SARDH: variants seen among roughly 807,000 people sequenced by gnomAD.
The protein encoded by SARDH is sarcosine dehydrogenase, also known as sarcosine dehydrogenase, mitochondrial.
A neutral mutation model predicts 109.1 loss-of-function variants in SARDH; 95 were observed. That is an observed-to-expected ratio of 0.87 (90% CI 0.74 to 1.03). SARDH has a LOEUF of 1.03. SARDH is among the 50% of genes least tolerant of loss of function. The pLI is 0.00. For missense variants in SARDH, 1,267 were observed against 1,287.8 expected (o/e 0.98, Z 0.25); for synonymous variants, 572 against 534.8 (o/e 1.07, Z -0.96).
At chr9:133,721,589 C>T (rs866738701) in intron 6 of SARDH, among the ~76,000 whole-genome samples, 8 of 152,112 alleles carry the variant, frequency 5.3e-5, no homozygotes, top group Non-Finnish European at 7.4e-5. Context: ...CAAAAGGGAG[C>T]GGAAGATCTG....
intron 18 of SARDH, among the ~76,000 whole-genome samples, chr9:133,671,285 T>A (rs1830337523): frequency 6.6e-6 from 1 of 151,964 alleles, no homozygotes; most frequent in Admixed American, 6.6e-5. Flanking sequence ...TGAGTTCAGG[T>A]GTGTGTAGGT....
At chr9:133,687,543 A>G (rs1830929044) in intron 16 of SARDH, among the ~76,000 whole-genome samples, 1 of 152,144 alleles carries the variant, frequency 6.6e-6, no homozygotes, top group Non-Finnish European at 1.5e-5. Context: ...GGCCTCCCAA[A>G]GTGCTAGGGT....
At chr9:133,668,154 G>A (rs1180758576) in intron 19 of SARDH, among the ~76,000 whole-genome samples, 1 of 151,812 alleles carries the variant, frequency 6.6e-6, no homozygotes, top group East Asian at 1.9e-4. Context: ...TGTCTGCAAG[G>A]GGCCCCCTCT....
chr9:133,672,859 C>T (rs901697080), intron 17 of SARDH, among the ~76,000 whole-genome samples: 9 of 152,208 alleles, frequency 5.9e-5, no homozygotes, highest in Non-Finnish European at 1.0e-4. Context: ...CGTTGGGCAG[C>T]GGACATGGTG....
At chr9:133,729,028 A>C (rs1832583305) in intron 6 of SARDH, among the ~76,000 whole-genome samples, 1 of 138,812 alleles carries the variant, frequency 7.2e-6, no homozygotes, top group African/African-American at 2.7e-5. Flanking sequence ...GAAAGAGTGG[A>C]GGGAGGAATG....
intron 13 of SARDH, among the ~76,000 whole-genome samples, chr9:133,701,401 T>C (rs1350492071): frequency 6.6e-6 from 1 of 152,238 alleles, no homozygotes; most frequent in Non-Finnish European, 1.5e-5. Context: ...GTTTCTGCTG[T>C]ACCTTTGCTG....
At position 133,694,170 on chromosome 9, in the gene SARDH, C is replaced by T. The variant is rs1052050394; in HGVS notation, c.1921+88G>A. The T allele has an allele frequency of 2.0e-5, 19 of 959,424 alleles. No homozygotes were observed. The African/African-American group carries it at 2.5e-4, about 13-fold the overall frequency. The allele number at this position is 959,424 out of a possible 1,614,324, so 59.4% of individuals were successfully genotyped here. On this transcript the variant is annotated intron_variant, in intron 15 of 20. Transcript: ENST00000439388. ...TAATGACAGAGCTGCCGTCAGCAGC[C>T]CATCCCGTCCATCCTGCCCTGTCCA...
At chr9:133,678,456 A>C (rs116963840) in intron 17 of SARDH, among the ~76,000 whole-genome samples, 1,585 of 152,306 alleles carry the variant, frequency 0.01, 10 homozygotes, top group Non-Finnish European at 0.018. Context: ...TGGACAGTAG[A>C]GGCCCTCTCC....
intron 19 of SARDH, among the ~76,000 whole-genome samples, chr9:133,669,487 T>TG: frequency 6.6e-6 from 1 of 151,446 alleles, no homozygotes; most frequent in East Asian, 2.0e-4. Context: ...CAGACCCCCG[T>TG]GGGCACCACG....
chr9:133,703,209 A>C, intron 12 of SARDH, 180 bp from the exon 13 acceptor site: 1 of 606,014 alleles, frequency 1.7e-6, no homozygotes, highest in Non-Finnish European at 3.0e-6. Context: ...GTCCAGGCAA[A>C]ACAGAGGCAC....
rs756383301 is a variant in SARDH at position 133,732,548 on chromosome 9, T to C, written c.385A>G (p.Thr129Ala). 2.5e-6 allele frequency: 4 copies of C among 1,613,306 alleles called. No individual in the cohort carries two copies. In the African/African-American group the frequency reaches 5.3e-5, roughly 22 times the overall value. Reference protein sequence around the residue: ...SDVEVELLAHTRRVVSRELEE... With the variant: ...SDVEVELLAHARRVVSRELEE... ...AGCTCCCGGCTCACCACCCGCCGAG[T>C]GTGGGCCAGAAGCTCCACCTCCACG... The change falls in exon 3 of 21, where the codon ACT becomes GCT. Residue 129 changes from threonine to alanine, a missense_variant. By Grantham distance (58) the Thr-to-Ala change is moderately conservative. Coordinates refer to ENST00000439388, the MANE Select transcript of SARDH (RefSeq NM_001134707.2).
At chr9:133,717,208 C>T (rs929651328) in intron 8 of SARDH, 118 bp downstream of exon 8, 206 of 1,311,428 alleles carry the variant, frequency 1.6e-4, no homozygotes, top group Middle Eastern at 1.5e-3. Context: ...CGAGAGGGAC[C>T]GGGGACAGCC....
chr9:133,709,371 T>C lies in SARDH; in HGVS notation c.1329-943A>G, dbSNP rs1461617532. On this transcript the variant is annotated intron_variant, in intron 10 of 20. Transcript: ENST00000439388. The surrounding 1 kb of genome is among the most constrained non-coding windows in gnomAD (Gnocchi z 4.2). ...AATCCGACAGTGCGGAACTGCTGGC[T>C]GGAGTGAGACCCGGGCCCAGCTGCA... Among the ~76,000 whole-genome samples the C allele has an allele frequency of 6.6e-6, 1 of 152,082 alleles. No homozygotes were observed. The highest frequency in any genetic ancestry group is 2.4e-5 in the African/African-American group (1 of 41,410).
At chr9:133,717,616 C>G (rs1832175674) in intron 7 of SARDH, among the ~76,000 whole-genome samples, 161 bp from the exon 8 acceptor site, 1 of 152,054 alleles carries the variant, frequency 6.6e-6, no homozygotes. Context: ...GTCTCCCCCA[C>G]CCACCAACCC....
intron 6 of SARDH, 99 bp from the exon 7 acceptor site, chr9:133,719,141 G>A (rs1002335684): frequency 5.3e-6 from 5 of 952,362 alleles, no homozygotes; most frequent in African/African-American, 3.2e-5. Flanking sequence ...CCAGGGTCAC[G>A]GGCTCGAGAT....
upstream of SARDH, among the ~76,000 whole-genome samples, chr9:133,739,313 C>A (rs1041800016): frequency 2.0e-5 from 3 of 152,174 alleles, no homozygotes; most frequent in Non-Finnish European, 4.4e-5. Context: ...GTAATTAATA[C>A]CAATCAAATC....
chr9:133,721,596 T>G (rs2131475626), intron 6 of SARDH, among the ~76,000 whole-genome samples: 1 of 152,214 alleles, frequency 6.6e-6, no homozygotes, highest in Middle Eastern at 3.4e-3. Context: ...GAGCGGAAGA[T>G]CTGAAGGCAG....
intron 1 of SARDH, among the ~76,000 whole-genome samples, chr9:133,734,428 C>CTCATTCACTCAT (rs1832810267): frequency 7.0e-6 from 1 of 143,024 alleles, no homozygotes; most frequent in African/African-American, 2.7e-5. Context: ...CATTCATTCA[C>CTCATTCACTCAT]TCATTCATTC....
intron 17 of SARDH, among the ~76,000 whole-genome samples, chr9:133,672,502 C>T (rs549581802): frequency 2.4e-4 from 36 of 152,346 alleles, no homozygotes; most frequent in African/African-American, 7.2e-4. Flanking sequence ...CTCTGAGACA[C>T]GTCTGCGAGG....
Sources: allele counts gnomAD v4.1 joint callset (sites outside exome capture counted in the v4.1 genomes callset), GRCh38; gene constraint gnomAD v4.1.1; non-coding constraint Gnocchi (gnomAD v3.1); transcripts MANE v1.5; gene names NCBI Gene and HGNC (gene_info 2026-07-23, HGNC 2026-07-21).